PTPRC: variants seen among roughly 807,000 people sequenced by gnomAD.
PTPRC encodes protein tyrosine phosphatase receptor type C.
A neutral mutation model predicts 155.9 loss-of-function variants in PTPRC; 44 were observed. The observed-to-expected ratio is 0.28, with a 90% CI of 0.22 to 0.36. The LOEUF (loss-of-function observed/expected upper bound fraction) is 0.36, where lower values mean the gene tolerates loss of function less well. Among genes scored for constraint, PTPRC ranks in the 10% least tolerant of loss-of-function variants. PTPRC has a pLI of 1.00. For missense variants in PTPRC, 1,401 were observed against 1,564.6 expected, an observed-to-expected ratio of 0.90 and a Z score of 1.76; for synonymous variants, 525 against 533.1, an observed-to-expected ratio of 0.98 and a Z score of 0.21.
chr1:198,681,070 C>A (rs1370371670), intron 2 of PTPRC, among the ~76,000 whole-genome samples: 1 of 152,132 alleles, frequency 6.6e-6, no homozygotes, highest in East Asian at 1.9e-4. Context: ...GGTAAATGTT[C>A]CTTCTTTACT....
chr1:198,683,459 C>T (rs1226924410), intron 2 of PTPRC, among the ~76,000 whole-genome samples: 1 of 151,764 alleles, frequency 6.6e-6, no homozygotes, highest in African/African-American at 2.4e-5. Flanking sequence ...GGTATATATC[C>T]CTGGATTTAG....
chr1:198,744,006 G>C (rs1249861450), intron 25 of PTPRC, 48 bp from the exon 26 acceptor site: 2 of 1,524,348 alleles, frequency 1.3e-6, no homozygotes, highest in Non-Finnish European at 1.8e-6. Flanking sequence ...TGACTTGGAG[G>C]ACTCTAGATT....
intron 2 of PTPRC, among the ~76,000 whole-genome samples, chr1:198,662,363 C>T (rs1664015574): frequency 6.6e-6 from 1 of 151,722 alleles, no homozygotes; most frequent in East Asian, 1.9e-4. Flanking sequence ...TTTGAGATTA[C>T]AGAGCTAATA....
chr1:198,732,345 A>C lies in PTPRC; in HGVS notation c.2020A>C (p.Lys674Gln). The change falls in exon 19 of 33, where the codon AAG (lysine) becomes CAG (glutamine). Residue 674 changes from lysine (K) to glutamine (Q), a missense_variant. Physicochemically the swap from Lys to Gln is moderately conservative, Grantham distance 53. Transcript: ENST00000442510. ...FSKFPIKEAR[K>Q]PFNQNKNRYV... Reference sequence around the variant, plus strand: ...CAAGTTTCCTATAAAGGAAGCTCGAAAGCCCTTTAACCAGAATAAAAACCG... The same window carrying C: ...CAAGTTTCCTATAAAGGAAGCTCGACAGCCCTTTAACCAGAATAAAAACCG... The C allele has an allele frequency of 6.2e-7, 1 of 1,612,668 alleles. No homozygotes were observed. Among genetic ancestry groups the C allele is most frequent in the Non-Finnish European group, 8.5e-7 (1 of 1,179,118 alleles).
At position 198,746,347 on chromosome 1, in the gene PTPRC, G is replaced by C. The variant is rs1195281089; in HGVS notation, c.2848-1762G>C. Among the ~76,000 whole-genome samples, 4 of 151,740 alleles carry C rather than the reference G, an allele frequency of 2.6e-5. No individual in the cohort carries two copies. The East Asian group carries it at 5.9e-4, about 22-fold the overall frequency. Reference sequence around the variant, plus strand: ...TAGAATCAGGGATCAAGGAGAACACGTATCTTTTCTTGAAGCTGTGAGGTA... The same window carrying C: ...TAGAATCAGGGATCAAGGAGAACACCTATCTTTTCTTGAAGCTGTGAGGTA... On this transcript the variant is annotated intron_variant, in intron 26 of 32. Transcript: ENST00000442510.
chr1:198,703,426 G>T (rs1386558294), intron 7 of PTPRC, 54 bp downstream of exon 7: 2 of 1,606,830 alleles, frequency 1.2e-6, no homozygotes, highest in Admixed American at 1.7e-5. Context: ...CTGGTGATGT[G>T]CTCTCACAAG....
intron 2 of PTPRC, among the ~76,000 whole-genome samples, chr1:198,673,583 T>C (rs996635016): frequency 1.3e-5 from 2 of 152,154 alleles, no homozygotes; most frequent in South Asian, 4.1e-4. Context: ...GAGGAAAGTG[T>C]TTATTTTCAA....
chr1:198,732,440 T>C, intron 19 of PTPRC, 40 bp from the exon 20 acceptor site: 1 of 1,598,676 alleles, frequency 6.3e-7, no homozygotes, highest in Non-Finnish European at 8.6e-7. Context: ...TACTTGATTA[T>C]TCACTATTTC....
intron 3 of PTPRC, chr1:198,694,810 T>C: frequency 2.1e-6 from 2 of 950,906 alleles, no homozygotes; most frequent in Non-Finnish European, 2.5e-6. Flanking sequence ...CTCCCTCCCT[T>C]TCTTTTATTC....
intron 2 of PTPRC, among the ~76,000 whole-genome samples, chr1:198,640,715 C>T (rs577617836): frequency 2.1e-3 from 317 of 151,930 alleles, no homozygotes; most frequent in Middle Eastern, 6.8e-3. Flanking sequence ...CAGGAAATGT[C>T]GAAAAGCATT....
chr1:198,754,213 T>C (rs1655516924), intron 31 of PTPRC, 56 bp from the exon 32 acceptor site: 2 of 1,530,838 alleles, frequency 1.3e-6, no homozygotes, highest in Admixed American at 1.7e-5. Context: ...TTTATTCTAA[T>C]ATCACCCTTT....
Position 198,711,791 on chromosome 1 carries a change from T to C in PTPRC, c.1172-1162T>C, listed in dbSNP as rs546849952. 2.6e-5 allele frequency among the ~76,000 whole-genome samples: 4 copies of C among 152,292 alleles called. No homozygotes were observed. The South Asian group carries it at 8.3e-4, about 32-fold the overall frequency. On this transcript the variant is annotated intron_variant, in intron 11 of 32. Transcript: ENST00000442510. Reference sequence around the variant, plus strand: ...CAAAATAAGGACTAAAACAGCTCAATTGAAAATGGACAAACATTTTTAATA... The same window carrying C: ...CAAAATAAGGACTAAAACAGCTCAACTGAAAATGGACAAACATTTTTAATA...
intron 2 of PTPRC, among the ~76,000 whole-genome samples, chr1:198,642,923 T>TCTTC (rs2102178057): frequency 6.8e-6 from 1 of 146,534 alleles, no homozygotes; most frequent in East Asian, 2.0e-4. Context: ...TTTCTTTCTT[T>TCTTC]CTTTCTTTCT....
chr1:198,733,784 A>C (rs1241974331), intron 20 of PTPRC, among the ~76,000 whole-genome samples: 1 of 151,776 alleles, frequency 6.6e-6, no homozygotes, highest in Non-Finnish European at 1.5e-5. Context: ...GATTTGTTTA[A>C]AGAAATTGAG....
chr1:198,750,673 G>C (rs1223149940), intron 29 of PTPRC, 47 bp downstream of exon 29: 1 of 1,597,998 alleles, frequency 6.3e-7, no homozygotes, highest in Admixed American at 1.7e-5. Context: ...GTCATAAAAC[G>C]TCATTCTCTA....
intron 2 of PTPRC, among the ~76,000 whole-genome samples, chr1:198,660,030 CATATATATATAT>C (rs34796231): frequency 8.4e-4 from 97 of 115,918 alleles, no homozygotes; most frequent in African/African-American, 8.0e-4. Context: ...TATATATGTC[CATATATATATAT>C]ATATATATAT....
chr1:198,680,129 C>CA, intron 2 of PTPRC: 1 of 412,674 alleles, frequency 2.4e-6, no homozygotes, highest in Non-Finnish European at 4.3e-6. Context: ...GAAAACTAGC[C>CA]AGGGAAGCCG....
chr1:198,715,559 A>T (rs1336595904), intron 12 of PTPRC, among the ~76,000 whole-genome samples: 1 of 152,078 alleles, frequency 6.6e-6, no homozygotes, highest in African/African-American at 2.4e-5. Context: ...TTATTTTTCA[A>T]AAGTTACTGA....
At chr1:198,713,183 T>C in intron 12 of PTPRC, 111 bp downstream of exon 12, 1 of 1,462,640 alleles carries the variant, frequency 6.8e-7, no homozygotes, top group Non-Finnish European at 9.5e-7. Flanking sequence ...AGAGACTGCA[T>C]AGGCATAGTA....
Sources: allele counts gnomAD v4.1 joint callset (sites outside exome capture counted in the v4.1 genomes callset), GRCh38; gene constraint gnomAD v4.1.1; transcripts MANE v1.5; gene names NCBI Gene and HGNC (gene_info 2026-07-23, HGNC 2026-07-21).